FAM222B: variants seen among roughly 807,000 people sequenced by gnomAD.
FAM222B encodes protein FAM222B.
Under a neutral mutation model 38.0 loss-of-function variants are expected in FAM222B, and 12 were observed. That is an observed-to-expected ratio of 0.32 (90% CI 0.20 to 0.51). The LOEUF is 0.51. Ranked by LOEUF, FAM222B falls within the 20% of genes least tolerant of loss-of-function variation. The pLI is 0.97. For synonymous variants in FAM222B, 329 were observed against 317.2 expected, an observed-to-expected ratio of 1.04 and a Z score of -0.40; for missense variants, 716 against 754.2, an observed-to-expected ratio of 0.95 and a Z score of 0.59.
chr17:28,802,035 GA>G (rs2037256830), intron 1 of FAM222B, among the ~76,000 whole-genome samples: 1 of 149,990 alleles, frequency 6.7e-6, no homozygotes, highest in Non-Finnish European at 1.5e-5. Context: ...AAAAGAAAAA[GA>G]AAAAAAGTGA....
At chr17:28,766,764 G>A (rs2035349478) in intron 1 of FAM222B, 57 bp from the exon 2 acceptor site, 7 of 982,242 alleles carry the variant, frequency 7.1e-6, no homozygotes, top group Non-Finnish European at 1.1e-5. Context: ...GAAGAAGAGA[G>A]TAGGAACACT....
intron 1 of FAM222B, among the ~76,000 whole-genome samples, chr17:28,805,620 G>A (rs12951232): frequency 2.0e-5 from 3 of 151,258 alleles, no homozygotes; most frequent in Non-Finnish European, 2.9e-5. Flanking sequence ...CACTATATTC[G>A]AACCTGGATG....
At chr17:28,781,512 A>T (rs1255741121) in intron 1 of FAM222B, among the ~76,000 whole-genome samples, 1 of 152,140 alleles carries the variant, frequency 6.6e-6, no homozygotes, top group Non-Finnish European at 1.5e-5. Flanking sequence ...CTACCATATG[A>T]TCCAGCAATC....
At chr17:28,821,527 A>AAAAGC (rs1286710147) in intron 1 of FAM222B, among the ~76,000 whole-genome samples, 4 of 152,208 alleles carry the variant, frequency 2.6e-5, no homozygotes, top group Non-Finnish European at 4.4e-5. Context: ...GATGTACTTT[A>AAAAGC]AGAACAAGGT....
chr17:28,773,461 A>G (rs1483280718), intron 1 of FAM222B, among the ~76,000 whole-genome samples: 1 of 147,542 alleles, frequency 6.8e-6, no homozygotes, highest in African/African-American at 2.5e-5. Flanking sequence ...CCTGGGCAAT[A>G]AGAGTGAAAC....
intron 1 of FAM222B, among the ~76,000 whole-genome samples, chr17:28,782,865 C>T (rs2036222397): frequency 1.3e-5 from 2 of 152,022 alleles, no homozygotes; most frequent in African/African-American, 4.8e-5. Context: ...CGGCCGGGCG[C>T]GGTGGCTCAC....
rs565852888 is a variant in FAM222B, at chr17:28,800,887, C to T, written c.-40-34180G>A. Among the ~76,000 whole-genome samples the T allele has an allele frequency of 1.0e-4, 15 of 148,752 alleles. 1 individual carries two copies. The East Asian group carries it at 2.6e-3, about 25-fold the overall frequency. On this transcript the variant is annotated intron_variant, in intron 1 of 2. Transcript: ENST00000581407. ...AAAAAAAAAAAAAGTTGGCCAGGCG[C>T]GGTGGCTCACACCTGTAATCCTAGC...
At chr17:28,838,279 T>C (rs1165001740) in intron 1 of FAM222B, among the ~76,000 whole-genome samples, 1 of 137,270 alleles carries the variant, frequency 7.3e-6, no homozygotes, top group Non-Finnish European at 1.6e-5. Flanking sequence ...TGAGACCCTG[T>C]CTCAAAAAAA....
At chr17:28,810,186 C>T (rs1436261660) in intron 1 of FAM222B, among the ~76,000 whole-genome samples, 3 of 151,828 alleles carry the variant, frequency 2.0e-5, no homozygotes, top group Admixed American at 6.6e-5. Context: ...TTGGTAGAGA[C>T]GGGGTTTTCA....
rs1234104809 is a variant in FAM222B at position 28,793,633 on chromosome 17, GT to G, written c.-40-26927del. On this transcript the variant is annotated intron_variant, in intron 1 of 2. Transcript: ENST00000581407. Reference sequence around the variant, plus strand: ...GGGAAGTTCTAGAGGTAGAACAAGTGTGTTATGACCCTTCTGCAAGCAGCCA... The same window carrying G: ...GGGAAGTTCTAGAGGTAGAACAAGTGGTTATGACCCTTCTGCAAGCAGCCA... Among the ~76,000 whole-genome samples, 4 of 152,118 alleles carry G rather than the reference GT, an allele frequency of 2.6e-5. No individual in the cohort carries two copies. In the East Asian group the frequency reaches 7.7e-4, roughly 29 times the overall value.
intron 1 of FAM222B, among the ~76,000 whole-genome samples, chr17:28,802,007 CAAAAAAAA>C (rs61492022): frequency 1.2e-3 from 135 of 109,342 alleles, no homozygotes; most frequent in African/African-American, 2.3e-3. Context: ...TTGCTGAATG[CAAAAAAAA>C]AAAAAGAAAA....
chr17:28,774,567 T>C (rs1250766984), intron 1 of FAM222B, among the ~76,000 whole-genome samples: 3 of 152,168 alleles, frequency 2.0e-5, no homozygotes, highest in Non-Finnish European at 4.4e-5. Flanking sequence ...CCTTTTTCCC[T>C]ACTGGAAAAT....
At chr17:28,813,028 GGGGGGGGGGGGGGA>G (rs1242016919) in intron 1 of FAM222B, among the ~76,000 whole-genome samples, 873 of 63,144 alleles carry the variant, frequency 0.014, 135 homozygotes, top group Non-Finnish European at 0.021. Context: ...TAAGCGGGGG[GGGGGGGGGGGGGGA>G]GGGGGGGGCG....
At chr17:28,841,562 G>A (rs1284208684) in intron 1 of FAM222B, among the ~76,000 whole-genome samples, 1 of 152,132 alleles carries the variant, frequency 6.6e-6, no homozygotes, top group Non-Finnish European at 1.5e-5. Context: ...TTTTAGTAGA[G>A]ACGGGATTTC....
Position 28,764,140 on chromosome 17 carries a change from C to T in FAM222B, c.82+2446G>A, listed in dbSNP as rs964334736. Reference sequence around the variant, plus strand: ...TTAAGAAAGAAAAAATTTCCAGTGGCGCATGCCTGTAATCTGAGCTACTCG... The same window carrying T: ...TTAAGAAAGAAAAAATTTCCAGTGGTGCATGCCTGTAATCTGAGCTACTCG... On this transcript the variant is annotated intron_variant, in intron 2 of 2. Coordinates refer to ENST00000581407, the MANE Select transcript of FAM222B (RefSeq NM_001077498.3). Among the ~76,000 whole-genome samples the T allele has an allele frequency of 3.9e-5, 6 of 152,028 alleles. No homozygotes were observed. In the East Asian group the frequency reaches 7.7e-4, roughly 20 times the overall value.
chr17:28,807,471 C>G (rs752545128), intron 1 of FAM222B, among the ~76,000 whole-genome samples: 29 of 152,138 alleles, frequency 1.9e-4, no homozygotes, highest in Middle Eastern at 3.4e-3. Flanking sequence ...CTGCAACCCC[C>G]ACTTCCTGGG....
chr17:28,775,924 A>G (rs2151821104), intron 1 of FAM222B, among the ~76,000 whole-genome samples: 1 of 151,728 alleles, frequency 6.6e-6, no homozygotes, highest in South Asian at 2.1e-4. Flanking sequence ...AAAAAAAACA[A>G]AAAGAGCCGG....
At chr17:28,808,294 C>A (rs760255006) in intron 1 of FAM222B, among the ~76,000 whole-genome samples, 2 of 152,152 alleles carry the variant, frequency 1.3e-5, no homozygotes, top group Admixed American at 1.3e-4. Context: ...AATAACAATG[C>A]CAGCCCAGGT....
At chr17:28,782,186 T>C (rs569264482) in intron 1 of FAM222B, among the ~76,000 whole-genome samples, 79 of 152,032 alleles carry the variant, frequency 5.2e-4, no homozygotes, top group Non-Finnish European at 9.1e-4. Context: ...GCTGGGTGTG[T>C]TGGCACATGC....
Sources: gnomAD v4.1 joint callset for allele counts (sites outside exome capture counted in the v4.1 genomes callset) on GRCh38, gnomAD v4.1.1 for gene constraint, MANE v1.5 for transcripts, NCBI Gene and HGNC (gene_info 2026-07-23, HGNC 2026-07-21) for gene names.